The following FBXL20 variants were observed in gnomAD, a reference collection of about 807,000 sequenced individuals.
FBXL20 encodes F-box and leucine rich repeat protein 20.
In FBXL20, 11 loss-of-function variants were observed where a neutral mutation model predicts 64.0. The observed-to-expected ratio is 0.17, with a 90% CI of 0.11 to 0.28. FBXL20 has a LOEUF of 0.28. FBXL20 is among the 10% of genes least tolerant of loss of function. The pLI is 1.00. For missense variants in FBXL20, 303 were observed against 526.2 expected, an observed-to-expected ratio of 0.58 and a Z score of 4.15; for synonymous variants, 184 against 189.0, an observed-to-expected ratio of 0.97 and a Z score of 0.22.
intron 1 of FBXL20, among the ~76,000 whole-genome samples, chr17:39,385,395 C>A (rs1038911313): frequency 2.0e-5 from 3 of 152,148 alleles, no homozygotes; most frequent in Admixed American, 6.6e-5. Flanking sequence ...TACTTTTTAA[C>A]CCAAACTCAC....
At chr17:39,291,147 G>A (rs1174644198) in intron 6 of FBXL20, among the ~76,000 whole-genome samples, 3 of 151,504 alleles carry the variant, frequency 2.0e-5, no homozygotes, top group African/African-American at 7.3e-5. Flanking sequence ...ATTTTTAGTA[G>A]AGACGGGGTT....
In FBXL20 at chr17:39,332,164, GA is replaced by G. The variant is rs550193181; in HGVS notation, c.104+11015del. On this transcript the variant is annotated intron_variant, in intron 2 of 14. Transcript: ENST00000264658. ...TATTTTTCCACACCTTCAACTCCTA[GA>G]ATTTAAACCGAAGGAGAGGCTACAA... 2.9e-3 allele frequency among the ~76,000 whole-genome samples: 439 copies of G among 152,304 alleles called. 1 individual carries two copies. The highest frequency in any genetic ancestry group is 9.4e-3 in the African/African-American group (389 of 41,564).
intron 1 of FBXL20, among the ~76,000 whole-genome samples, chr17:39,369,959 G>A (rs934878844): frequency 1.3e-5 from 2 of 152,010 alleles, no homozygotes; most frequent in Non-Finnish European, 2.9e-5. Context: ...AATATGGCAG[G>A]CATGGTGGCT....
At chr17:39,351,834 T>C (rs973038011) in intron 1 of FBXL20, among the ~76,000 whole-genome samples, 2 of 152,200 alleles carry the variant, frequency 1.3e-5, no homozygotes, top group Admixed American at 1.3e-4. Context: ...AGCCATGACT[T>C]CTAGGGGTAG....
intron 1 of FBXL20, among the ~76,000 whole-genome samples, chr17:39,344,426 G>C (rs560717486): frequency 4.0e-5 from 6 of 151,808 alleles, no homozygotes; most frequent in Non-Finnish European, 2.9e-5. Flanking sequence ...ATTAAGAGAA[G>C]ATGACTCCCC....
chr17:39,373,015 T>C (rs2047933719), intron 1 of FBXL20, among the ~76,000 whole-genome samples: 1 of 152,164 alleles, frequency 6.6e-6, no homozygotes, highest in African/African-American at 2.4e-5. Context: ...TTCTTTTTTT[T>C]TTTAATCAGA....
chr17:39,294,708 T>G (rs1176610525), intron 6 of FBXL20, among the ~76,000 whole-genome samples: 1 of 151,858 alleles, frequency 6.6e-6, no homozygotes, highest in African/African-American at 2.4e-5. Context: ...TTTAGAGGAG[T>G]GATAAAAGTT....
intron 1 of FBXL20, among the ~76,000 whole-genome samples, chr17:39,352,250 C>A (rs1276511226): frequency 6.6e-6 from 1 of 152,054 alleles, no homozygotes; most frequent in Non-Finnish European, 1.5e-5. Context: ...TAGGAAAGAG[C>A]CAGGCACAGT....
chr17:39,353,038 TG>T (rs2047702735), intron 1 of FBXL20, among the ~76,000 whole-genome samples: 1 of 152,150 alleles, frequency 6.6e-6, no homozygotes, highest in Non-Finnish European at 1.5e-5. Context: ...TTAGGATGCC[TG>T]GAACTCCATC....
At chr17:39,295,553 C>A (rs1257259926) in intron 6 of FBXL20, among the ~76,000 whole-genome samples, 1 of 152,094 alleles carries the variant, frequency 6.6e-6, no homozygotes. Context: ...CCGCACTGGG[C>A]TGGTTCATGT....
intron 1 of FBXL20, among the ~76,000 whole-genome samples, chr17:39,370,582 C>T (rs1440868605): frequency 3.3e-5 from 5 of 149,664 alleles, no homozygotes; most frequent in South Asian, 2.1e-4. Context: ...GTCAGGAGAT[C>T]GAGACCATCC....
At chr17:39,302,065 T>G (rs1261170270) in intron 3 of FBXL20, among the ~76,000 whole-genome samples, 1 of 151,996 alleles carries the variant, frequency 6.6e-6, no homozygotes, top group Non-Finnish European at 1.5e-5. Context: ...AAAGCAAGTC[T>G]TTCTTCTATG....
At chr17:39,337,525 C>T (rs1380250366) in intron 2 of FBXL20, among the ~76,000 whole-genome samples, 4 of 150,360 alleles carry the variant, frequency 2.7e-5, no homozygotes, top group South Asian at 2.1e-4. Context: ...GGCCGCCCAT[C>T]GTCTGAGATG....
intron 1 of FBXL20, among the ~76,000 whole-genome samples, chr17:39,343,873 T>C (rs559899029): frequency 1.3e-5 from 2 of 152,028 alleles, no homozygotes; most frequent in African/African-American, 4.8e-5. Flanking sequence ...TTTTTGTTTG[T>C]TTGTTTTTGA....
intron 1 of FBXL20, among the ~76,000 whole-genome samples, chr17:39,375,129 A>C (rs918112283): frequency 6.6e-6 from 1 of 152,214 alleles, no homozygotes; most frequent in Non-Finnish European, 1.5e-5. Context: ...TCACAGAATT[A>C]GTGTATCATC....
chr17:39,391,102 T>C (rs2048129395), intron 1 of FBXL20, among the ~76,000 whole-genome samples: 1 of 151,948 alleles, frequency 6.6e-6, no homozygotes, highest in African/African-American at 2.4e-5. Flanking sequence ...CATTAAATAG[T>C]AAGTTCCTCT....
At chr17:39,320,239 T>C (rs1253577991) in intron 2 of FBXL20, among the ~76,000 whole-genome samples, 1 of 133,740 alleles carries the variant, frequency 7.5e-6, no homozygotes, top group African/African-American at 3.5e-5. Context: ...ATACTTGCCT[T>C]GTTAAAAATC....
intron 1 of FBXL20, among the ~76,000 whole-genome samples, chr17:39,365,644 T>C (rs1000851715): frequency 3.4e-5 from 5 of 147,478 alleles, no homozygotes; most frequent in East Asian, 2.0e-4. Flanking sequence ...AGTCCAAAAA[T>C]AGAGCATCTA....
chr17:39,343,550 T>A (rs762572427), intron 1 of FBXL20, among the ~76,000 whole-genome samples: 1 of 152,078 alleles, frequency 6.6e-6, no homozygotes, highest in Non-Finnish European at 1.5e-5. Context: ...ACTTTATAGA[T>A]AGGAAGCTTG....
Sources: gnomAD v4.1 joint callset for allele counts (sites outside exome capture counted in the v4.1 genomes callset) on GRCh38, gnomAD v4.1.1 for gene constraint, MANE v1.5 for transcripts, NCBI Gene and HGNC (gene_info 2026-07-23, HGNC 2026-07-21) for gene names.